The following GNG7 variants were observed in gnomAD, a reference collection of about 807,000 sequenced individuals.
The protein encoded by GNG7 is guanine nucleotide-binding protein G(I)/G(S)/G(O) subunit gamma-7.
In GNG7, 1 loss-of-function variant was observed where a neutral mutation model predicts 4.0. The observed-to-expected ratio is 0.25, with a 90% CI of 0.09 to 1.18. The LOEUF (loss-of-function observed/expected upper bound fraction) is 1.18. Among genes scored for constraint, GNG7 ranks in the 50% most tolerant of loss-of-function variants. The pLI, the probability that GNG7 is intolerant of heterozygous loss-of-function variation, is 0.50. For missense variants in GNG7, 86 were observed against 91.9 expected (o/e 0.94, Z 0.26); for synonymous variants, 34 against 36.9 (o/e 0.92, Z 0.29).
At chr19:2,635,567 G>A (rs1982284915) in intron 2 of GNG7, among the ~76,000 whole-genome samples, 1 of 150,044 alleles carries the variant, frequency 6.7e-6, no homozygotes, top group South Asian at 2.1e-4. Flanking sequence ...TGAGACCCAG[G>A]AGGTCTCAAC....
chr19:2,690,991 A>G (rs1446406587), intron 1 of GNG7, among the ~76,000 whole-genome samples: 1 of 152,146 alleles, frequency 6.6e-6, no homozygotes, highest in African/African-American at 2.4e-5. Context: ...AAACTCCAAT[A>G]GAGACTGGGG....
intron 2 of GNG7, among the ~76,000 whole-genome samples, chr19:2,575,752 C>T (rs1357435729): frequency 9.8e-5 from 12 of 122,620 alleles, no homozygotes; most frequent in African/African-American, 3.7e-4. Context: ...CGCAGGCACA[C>T]GCAGACACGC....
At chr19:2,533,730 C>A (rs1358269594) in intron 3 of GNG7, among the ~76,000 whole-genome samples, 1 of 152,094 alleles carries the variant, frequency 6.6e-6, no homozygotes, top group Non-Finnish European at 1.5e-5. Flanking sequence ...ACAGACTTGC[C>A]TTTTAAAAGG....
chr19:2,604,845 C>T (rs909694001), intron 2 of GNG7, among the ~76,000 whole-genome samples: 26 of 152,108 alleles, frequency 1.7e-4, no homozygotes, highest in Non-Finnish European at 3.5e-4. Context: ...TGGCGGCTTC[C>T]CCTCTCTTAG....
At chr19:2,670,702 G>A (rs1387797971) in intron 1 of GNG7, among the ~76,000 whole-genome samples, 1 of 152,118 alleles carries the variant, frequency 6.6e-6, no homozygotes, top group African/African-American at 2.4e-5. Flanking sequence ...GCACTGCAGG[G>A]TACTGAGCAG....
Position 2,572,754 on chromosome 19 carries a change from C to T in GNG7, c.-77-17566G>A, listed in dbSNP as rs145075260. On this transcript the variant is annotated intron_variant, in intron 2 of 4. Coordinates refer to ENST00000382159, the MANE Select transcript of GNG7 (RefSeq NM_052847.3). ...GGCTGCAGACATGAACCAGCATGCA[C>T]GGCTAACTTAAAATTCTTTTCTTCT... 3.2e-3 allele frequency among the ~76,000 whole-genome samples: 492 copies of T among 151,740 alleles called. 2 individuals carry two copies. The highest frequency in any genetic ancestry group is 0.011 in the African/African-American group (454 of 41,386).
At chr19:2,680,917 C>T (rs1037976067) in intron 1 of GNG7, among the ~76,000 whole-genome samples, 2 of 151,910 alleles carry the variant, frequency 1.3e-5, no homozygotes, top group Admixed American at 6.6e-5. Flanking sequence ...TGAGGGTCCC[C>T]ATGTCCTACC....
At chr19:2,519,724 C>T in intron 4 of GNG7, among the ~76,000 whole-genome samples, 1 of 151,790 alleles carries the variant, frequency 6.6e-6, no homozygotes, top group East Asian at 1.9e-4. Flanking sequence ...AGCCTGGGGT[C>T]CTTCCAGGAG....
At position 2,563,639 on chromosome 19, in the gene GNG7, G is replaced by A. The variant is rs567359850; in HGVS notation, c.-77-8451C>T. On this transcript the variant is annotated intron_variant, in intron 2 of 4. Coordinates refer to ENST00000382159, the MANE Select transcript of GNG7 (RefSeq NM_052847.3). ...TGGAACTACGGGTGTGCACCACCAC[G>A]CCTGGCTAATTTTGGAATTTTTAGT... Among the ~76,000 whole-genome samples, 603 of 152,210 alleles carry A rather than the reference G, an allele frequency of 4.0e-3. 1 individual carries two copies. The highest frequency in any genetic ancestry group is 0.014 in the African/African-American group (572 of 41,522).
chr19:2,632,691 C>G (rs910191311), intron 2 of GNG7: 1 of 152,228 alleles, frequency 6.6e-6, no homozygotes, highest in African/African-American at 2.4e-5. Context: ...CACTCCCTGC[C>G]AGGAGCACCC....
At chr19:2,688,122 G>A (rs965019944) in intron 1 of GNG7, among the ~76,000 whole-genome samples, 3 of 151,974 alleles carry the variant, frequency 2.0e-5, no homozygotes, top group Admixed American at 6.6e-5. Context: ...GCATGGTGGC[G>A]GGTGCCTGTA....
At chr19:2,645,186 G>A (rs1007748246) in intron 2 of GNG7, among the ~76,000 whole-genome samples, 2 of 151,530 alleles carry the variant, frequency 1.3e-5, no homozygotes, top group Non-Finnish European at 2.9e-5. Context: ...GGGCAACAAA[G>A]CAAACCCTAA....
intron 1 of GNG7, among the ~76,000 whole-genome samples, chr19:2,656,161 C>A (rs144317312): frequency 0.039 from 5,956 of 152,054 alleles, 175 homozygotes; most frequent in Non-Finnish European, 0.054. Context: ...GGAAGTTCCT[C>A]AAAAAATTAA....
chr19:2,668,845 C>A (rs1241635622), intron 1 of GNG7, among the ~76,000 whole-genome samples: 1 of 152,040 alleles, frequency 6.6e-6, no homozygotes, highest in Non-Finnish European at 1.5e-5. Flanking sequence ...GTGCTGAGTA[C>A]CGCAGGGTGC....
At chr19:2,659,182 G>T (rs1432942908) in intron 1 of GNG7, among the ~76,000 whole-genome samples, 1 of 151,924 alleles carries the variant, frequency 6.6e-6, no homozygotes, top group African/African-American at 2.4e-5. Context: ...GGTTAGCCAG[G>T]ATGGTCTCAA....
intron 2 of GNG7, among the ~76,000 whole-genome samples, chr19:2,598,632 G>C (rs928733761): frequency 6.6e-6 from 1 of 151,140 alleles, no homozygotes; most frequent in Non-Finnish European, 1.5e-5. Flanking sequence ...ACTCCAGCCT[G>C]AGCGACAGAG....
At chr19:2,659,590 C>T in intron 1 of GNG7, among the ~76,000 whole-genome samples, 1 of 26,804 alleles carries the variant, frequency 3.7e-5, no homozygotes. Flanking sequence ...GAGACTCCAT[C>T]TTAAAAAAAA....
At chr19:2,664,599 T>C (rs1457861448) in intron 1 of GNG7, among the ~76,000 whole-genome samples, 1 of 152,160 alleles carries the variant, frequency 6.6e-6, no homozygotes, top group African/African-American at 2.4e-5. Flanking sequence ...GTTGGCTCTG[T>C]GTCCTGCACC....
At chr19:2,661,302 G>GAAAGAAAAAGAAAGAAAGAAAGAA in intron 1 of GNG7, among the ~76,000 whole-genome samples, 10 of 73,124 alleles carry the variant, frequency 1.4e-4, no homozygotes, top group African/African-American at 4.9e-4. Context: ...AAGAAAGAAA[G>GAAAGAAAAAGAAAGAAAGAAAGAA]AGAAAGAAAG....
Sources: allele counts gnomAD v4.1 joint callset (sites outside exome capture counted in the v4.1 genomes callset), GRCh38; gene constraint gnomAD v4.1.1; transcripts MANE v1.5; gene names NCBI Gene and HGNC (gene_info 2026-07-23, HGNC 2026-07-21).